The following CTNNA2 variants were observed in gnomAD, a reference collection of about 807,000 sequenced individuals.
CTNNA2 encodes the protein catenin alpha-2.
CTNNA2 carries 42 observed loss-of-function variants against 101.0 expected under a neutral mutation model. That is an observed-to-expected ratio of 0.42 (90% CI 0.32 to 0.54). CTNNA2 has a LOEUF of 0.54. Ranked by LOEUF, CTNNA2 falls within the 20% of genes least tolerant of loss-of-function variation. The pLI, the probability that CTNNA2 is intolerant of heterozygous loss-of-function variation, is 0.14. For synonymous variants in CTNNA2, 450 were observed against 456.4 expected, an observed-to-expected ratio of 0.99 and a Z score of 0.18; for missense variants, 871 against 1,223.1, an observed-to-expected ratio of 0.71 and a Z score of 4.29.
intron 7 of CTNNA2, among the ~76,000 whole-genome samples, chr2:80,043,081 TTCTTTCTTTCTTTCTCTCTCTCTC>T (rs1196600934): frequency 1.1e-4 from 5 of 43,616 alleles, no homozygotes; most frequent in South Asian, 6.2e-4. Flanking sequence ...CTTTCTTTCT[TTCTTTCTTTCTTTCTCTCTCTCTC>T]TCTCTCTTTC....
At chr2:79,782,717 G>C (rs1674546186) in intron 3 of CTNNA2, among the ~76,000 whole-genome samples, 1 of 152,174 alleles carries the variant, frequency 6.6e-6, no homozygotes, top group Non-Finnish European at 1.5e-5. Context: ...TCACTTTGCT[G>C]AACAATGAAA....
intron 7 of CTNNA2, among the ~76,000 whole-genome samples, chr2:80,214,606 T>C (rs1409489194): frequency 3.9e-5 from 6 of 152,188 alleles, no homozygotes; most frequent in Admixed American, 2.6e-4. Context: ...GGGCTTCCCT[T>C]TGTGGGTAAC....
chr2:79,321,450 G>T (rs1431858720), intron 3 of CTNNA2, among the ~76,000 whole-genome samples: 2 of 152,168 alleles, frequency 1.3e-5, no homozygotes, highest in African/African-American at 4.8e-5. Context: ...GCTGAGAGAA[G>T]AAATAAATGT....
intron 3 of CTNNA2, among the ~76,000 whole-genome samples, chr2:79,771,219 T>C (rs1355159494): frequency 6.6e-6 from 1 of 152,176 alleles, no homozygotes; most frequent in Non-Finnish European, 1.5e-5. Flanking sequence ...AACTAGAATA[T>C]ACTTAAAAAT....
At chr2:80,361,371 C>T (rs564553098) in intron 7 of CTNNA2, among the ~76,000 whole-genome samples, 17 of 152,102 alleles carry the variant, frequency 1.1e-4, no homozygotes, top group African/African-American at 2.9e-4. Context: ...TTTTACTCAG[C>T]GTGGGTGCAA....
chr2:80,609,819 C>T (rs1698313079), intron 17 of CTNNA2, among the ~76,000 whole-genome samples: 1 of 151,704 alleles, frequency 6.6e-6, no homozygotes, highest in African/African-American at 2.4e-5. Context: ...ACAACCTCAT[C>T]TGGGCAATTT....
intron 7 of CTNNA2, among the ~76,000 whole-genome samples, chr2:80,384,424 GAA>G (rs554783579): frequency 4.7e-5 from 6 of 126,798 alleles, no homozygotes; most frequent in African/African-American, 8.3e-5. Context: ...AAAGTTAAAA[GAA>G]AAAAAAAAAA....
At chr2:79,884,293 A>G (rs1467674111) in intron 6 of CTNNA2, among the ~76,000 whole-genome samples, 1 of 152,174 alleles carries the variant, frequency 6.6e-6, no homozygotes, top group Non-Finnish European at 1.5e-5. Flanking sequence ...TCCAATTCTA[A>G]CAACCTAAAA....
chr2:79,682,499 A>G (rs758110490), intron 2 of CTNNA2, among the ~76,000 whole-genome samples: 5 of 151,896 alleles, frequency 3.3e-5, no homozygotes, highest in Non-Finnish European at 7.4e-5. Flanking sequence ...GGCAAGACTT[A>G]AGATATATAG....
At chr2:79,549,566 T>C (rs1573317083) in intron 1 of CTNNA2, among the ~76,000 whole-genome samples, 2 of 152,332 alleles carry the variant, frequency 1.3e-5, no homozygotes, top group South Asian at 4.1e-4. Context: ...TACAAAACTC[T>C]TTTCCAGTAT....
At position 79,487,911 on chromosome 2, in the gene CTNNA2, A is replaced by T. The variant is rs143773167; in HGVS notation, c.-134-17143A>T. ...GTAAATAATAAATTGGAAATAAGCA[A>T]AATTCTTCAGAATGAATCAGAAAGT... On this transcript the variant is annotated intron_variant, in intron 4 of 21. Coordinates refer to the CTNNA2 transcript ENST00000466387. Among the ~76,000 whole-genome samples the T allele has an allele frequency of 9.2e-5, 14 of 152,330 alleles. No individual in the cohort carries two copies. In the East Asian group the frequency reaches 2.7e-3, roughly 29 times the overall value.
At chr2:80,131,556 A>G (rs1702415055) in intron 7 of CTNNA2, among the ~76,000 whole-genome samples, 1 of 152,220 alleles carries the variant, frequency 6.6e-6, no homozygotes, top group African/African-American at 2.4e-5. Flanking sequence ...ACTAGAACCT[A>G]GAATGAGGAT....
At chr2:80,278,253 G>T (rs1297355639) in intron 7 of CTNNA2, among the ~76,000 whole-genome samples, 1 of 152,086 alleles carries the variant, frequency 6.6e-6, no homozygotes, top group Non-Finnish European at 1.5e-5. Context: ...AAGGGACCGT[G>T]TCTGTTAGAT....
intron 4 of CTNNA2, among the ~76,000 whole-genome samples, chr2:79,388,084 C>G (rs1678125031): frequency 6.6e-6 from 1 of 152,124 alleles, no homozygotes; most frequent in Admixed American, 6.6e-5. Context: ...GGCCCAGAAA[C>G]AGAAAATCTG....
chr2:80,166,586 C>T (rs1430504479), intron 7 of CTNNA2, among the ~76,000 whole-genome samples: 1 of 152,054 alleles, frequency 6.6e-6, no homozygotes, highest in Non-Finnish European at 1.5e-5. Flanking sequence ...ATCCTTAGGT[C>T]AATGTTTTTC....
intron 7 of CTNNA2, among the ~76,000 whole-genome samples, chr2:80,126,222 G>A (rs1404645839): frequency 6.6e-6 from 1 of 152,046 alleles, no homozygotes; most frequent in Admixed American, 6.6e-5. Flanking sequence ...CAAATCTAAA[G>A]CATGGTGTCT....
At chr2:80,122,949 C>T (rs1573147939) in intron 7 of CTNNA2, among the ~76,000 whole-genome samples, 1 of 152,254 alleles carries the variant, frequency 6.6e-6, no homozygotes, top group East Asian at 1.9e-4. Flanking sequence ...AAGCCCTGCA[C>T]TACGCCTACA....
chr2:79,925,253 G>A (rs146242005), intron 7 of CTNNA2, among the ~76,000 whole-genome samples: 2 of 151,996 alleles, frequency 1.3e-5, no homozygotes, highest in East Asian at 1.9e-4. Context: ...TTGAACTTAT[G>A]TCTTTTTAAT....
intron 7 of CTNNA2, among the ~76,000 whole-genome samples, chr2:80,233,491 G>A (rs952859242): frequency 4.6e-5 from 7 of 152,024 alleles, no homozygotes; most frequent in Admixed American, 1.3e-4. Flanking sequence ...GCCCTCTTTT[G>A]TGGCATTCCC....
Sources: gnomAD v4.1 joint callset for allele counts (sites outside exome capture counted in the v4.1 genomes callset) on GRCh38, gnomAD v4.1.1 for gene constraint, MANE v1.5 for transcripts, NCBI Gene and HGNC (gene_info 2026-07-23, HGNC 2026-07-21) for gene names.